Variants in DST observed in about 807,000 individuals in gnomAD.
DST encodes the protein bullous pemphigoid antigen.
A neutral mutation model predicts 875.2 loss-of-function variants in DST; 253 were observed. That is an observed-to-expected ratio of 0.29 (90% CI 0.26 to 0.32). The LOEUF (loss-of-function observed/expected upper bound fraction) is 0.32. Ranked by LOEUF, DST falls within the 10% of genes least tolerant of loss-of-function variation. DST has a pLI of 1.00. For synonymous variants in DST, 3,124 were observed against 3,197.1 expected, an observed-to-expected ratio of 0.98 and a Z score of 0.77; for missense variants, 8,287 against 9,111.6, an observed-to-expected ratio of 0.91 and a Z score of 3.68.
intron 3 of DST, among the ~76,000 whole-genome samples, chr6:56,892,166 C>T (rs760149280): frequency 2.0e-5 from 3 of 152,146 alleles, no homozygotes; most frequent in Non-Finnish European, 4.4e-5. Context: ...AAAGCTTAAA[C>T]CAGTGGTTGT....
chr6:56,571,537 G>A (rs9475724), intron 53 of DST, among the ~76,000 whole-genome samples: 66,385 of 152,016 alleles, frequency 0.44, 15,170 homozygotes, highest in African/African-American at 0.56. Flanking sequence ...CTAAACTAAC[G>A]TGAGATCAGA....
Position 56,509,636 on chromosome 6 carries a change from T to C in DST, c.19012+6A>G. On this transcript the variant is annotated splice_donor_region_variant and intron_variant, in intron 74 of 103. Transcript: ENST00000680361. The stretch of plus-strand genomic sequence containing the variant: ...AAAATTTGTTTCCCTATTCCAAAAG[T>C]ATTACCTTTGGCAGATATGTCTTTA... 1 of 1,606,844 alleles carries C rather than the reference T, an allele frequency of 6.2e-7. No individual in the cohort carries two copies.
intron 52 of DST, 102 bp from the exon 53 acceptor site, chr6:56,572,368 T>C: frequency 1.4e-6 from 1 of 710,142 alleles, no homozygotes; most frequent in Non-Finnish European, 2.1e-6. Flanking sequence ...CTATTCATAA[T>C]TTCACATAAG....
chr6:56,898,402 G>A (rs1482841503), intron 3 of DST, among the ~76,000 whole-genome samples: 4 of 152,228 alleles, frequency 2.6e-5, no homozygotes, highest in African/African-American at 9.6e-5. Flanking sequence ...AGGCAGTTAT[G>A]TAGAGGGCTT....
intron 9 of DST, 89 bp downstream of exon 9, chr6:56,699,564 C>T: frequency 4.9e-6 from 3 of 614,396 alleles, no homozygotes; most frequent in Non-Finnish European, 8.4e-6. Flanking sequence ...TATTTTTCTT[C>T]CATAGAACAT....
intron 22 of DST, 174 bp downstream of exon 22, chr6:56,639,085 T>C (rs1323219465): frequency 4.6e-6 from 3 of 649,738 alleles, no homozygotes; most frequent in Admixed American, 4.9e-5. Context: ...ATGGGTGACA[T>C]ACTTAGAGCC....
chr6:56,842,294 G>A (rs1228061059), intron 4 of DST, among the ~76,000 whole-genome samples: 3 of 151,968 alleles, frequency 2.0e-5, no homozygotes, highest in Admixed American at 6.6e-5. Flanking sequence ...AGTGTTTTGG[G>A]AGCCACAATA....
chr6:56,931,272 T>C (rs1810066295), intron 2 of DST, among the ~76,000 whole-genome samples: 1 of 152,168 alleles, frequency 6.6e-6, no homozygotes, highest in Non-Finnish European at 1.5e-5. Flanking sequence ...CCATGTGGTA[T>C]TGAGCCTGCG....
At chr6:56,934,827 A>G (rs1812192903) in intron 2 of DST, among the ~76,000 whole-genome samples, 1 of 151,720 alleles carries the variant, frequency 6.6e-6, no homozygotes, top group Non-Finnish European at 1.5e-5. Flanking sequence ...TATTCTTAAA[A>G]AAAATTAGGA....
chr6:56,462,979 G>A (rs866302883), intron 102 of DST, 67 bp downstream of exon 102: 15 of 864,754 alleles, frequency 1.7e-5, no homozygotes, highest in African/African-American at 8.4e-5. Flanking sequence ...GTGGTGCAAC[G>A]ATGTTAGTGA....
At position 56,592,377 on chromosome 6, in the gene DST, A is replaced by C; in HGVS notation, c.12727-19T>G. On this transcript the variant is annotated intron_variant, in intron 48 of 103. Transcript: ENST00000680361. ...CATTGCACTAACAATCAAAAGAGAA[A>C]AGGGGTAGGAGATTAAAACCCACTA... The C allele has an allele frequency of 6.4e-7, 1 of 1,564,472 alleles. No individual in the cohort carries two copies. The highest frequency in any genetic ancestry group is 8.7e-7 in the Non-Finnish European group (1 of 1,149,856).
intron 3 of DST, among the ~76,000 whole-genome samples, chr6:56,865,228 T>G (rs1374297652): frequency 6.6e-6 from 1 of 152,006 alleles, no homozygotes; most frequent in Non-Finnish European, 1.5e-5. Context: ...ACACTTTAAT[T>G]GTGACAATCT....
intron 49 of DST, among the ~76,000 whole-genome samples, chr6:56,585,559 T>C (rs2098129903): frequency 6.6e-6 from 1 of 152,180 alleles, no homozygotes; most frequent in African/African-American, 2.4e-5. Flanking sequence ...CTGGATTCAT[T>C]GATCTTTTGA....
chr6:56,721,022 G>GC (rs559396899), intron 5 of DST, among the ~76,000 whole-genome samples: 35,165 of 149,140 alleles, frequency 0.24, 5,255 homozygotes, highest in African/African-American at 0.43. Context: ...GGCGGGGGCA[G>GC]CCCCCTCCGC....
At chr6:56,732,541 T>C (rs890434040) in intron 5 of DST, among the ~76,000 whole-genome samples, 2 of 152,020 alleles carry the variant, frequency 1.3e-5, no homozygotes, top group Non-Finnish European at 2.9e-5. Flanking sequence ...AGCAAAAAAA[T>C]CCTCACCAAA....
chr6:56,676,793 T>A (rs936207469), intron 9 of DST, among the ~76,000 whole-genome samples: 10 of 151,804 alleles, frequency 6.6e-5, no homozygotes, highest in Admixed American at 5.2e-4. Context: ...AAGACAAATA[T>A]TGAATGATCT....
chr6:56,892,400 T>G (rs1344035377), intron 3 of DST, among the ~76,000 whole-genome samples: 1 of 150,414 alleles, frequency 6.6e-6, no homozygotes, highest in East Asian at 2.0e-4. Context: ...CATGGCTTAC[T>G]GCAGCCTGGA....
chr6:56,489,667 C>G (rs2095672098), intron 85 of DST, 58 bp from the exon 86 acceptor site: 1 of 1,509,830 alleles, frequency 6.6e-7, no homozygotes, highest in African/African-American at 1.4e-5. Context: ...TACTTGAGAT[C>G]TAGCACAGTT....
intron 4 of DST, among the ~76,000 whole-genome samples, chr6:56,763,051 T>C (rs888018453): frequency 3.3e-5 from 5 of 152,046 alleles, no homozygotes; most frequent in Non-Finnish European, 7.4e-5. Context: ...GGTTTCGACA[T>C]GTTGGCCAGG....
Sources: allele counts gnomAD v4.1 joint callset (sites outside exome capture counted in the v4.1 genomes callset), GRCh38; gene constraint gnomAD v4.1.1; transcripts MANE v1.5; gene names NCBI Gene and HGNC (gene_info 2026-07-23, HGNC 2026-07-21).